Variants in ANK3 observed in about 807,000 individuals in gnomAD.
The protein encoded by ANK3 is ankyrin-3.
ANK3 carries 57 observed loss-of-function variants against 370.9 expected under a neutral mutation model. That is an observed-to-expected ratio of 0.15 (90% CI 0.12 to 0.19). The LOEUF is 0.19. ANK3 is among the 10% of genes least tolerant of loss of function. The pLI, the probability that ANK3 is intolerant of heterozygous loss-of-function variation, is 1.00. For synonymous variants in ANK3, 1,929 were observed against 1,946.3 expected (o/e 0.99, Z 0.23); for missense variants, 4,439 against 5,302.1 (o/e 0.84, Z 5.06).
chr10:60,572,632 C>G, intron 2 of ANK3: 1 of 1,480,416 alleles, frequency 6.8e-7, no homozygotes, highest in East Asian at 2.5e-5. Flanking sequence ...AGTCCATTTA[C>G]GGGTGCTCCC....
intron 2 of ANK3, among the ~76,000 whole-genome samples, chr10:60,516,791 A>T (rs1595188049): frequency 6.6e-6 from 1 of 152,050 alleles, no homozygotes; most frequent in Non-Finnish European, 1.5e-5. Flanking sequence ...CATTTTTTTT[A>T]AAATGCACCA....
intron 2 of ANK3, among the ~76,000 whole-genome samples, chr10:60,550,713 AG>A (rs1440717757): frequency 2.0e-5 from 3 of 152,248 alleles, no homozygotes; most frequent in Non-Finnish European, 4.4e-5. Context: ...TCAGCAGAAA[AG>A]CATGAACACA....
intron 1 of ANK3, among the ~76,000 whole-genome samples, chr10:60,320,085 C>T (rs2048303900): frequency 6.6e-6 from 1 of 152,210 alleles, no homozygotes; most frequent in Non-Finnish European, 1.5e-5. Context: ...CACTTTCTTT[C>T]CTGGATTAGA....
intron 1 of ANK3, among the ~76,000 whole-genome samples, chr10:60,704,569 G>C (rs1049074308): frequency 6.6e-6 from 1 of 152,146 alleles, no homozygotes; most frequent in South Asian, 2.1e-4. Context: ...TGGGGGTGAC[G>C]TTAGAAAAAC....
At chr10:60,430,743 T>A (rs939733050) in intron 2 of ANK3, among the ~76,000 whole-genome samples, 2 of 152,174 alleles carry the variant, frequency 1.3e-5, no homozygotes, top group Non-Finnish European at 2.9e-5. Flanking sequence ...TCCTCATTTC[T>A]CAGAAGGCTA....
chr10:60,288,854 C>T (rs754736727), intron 1 of ANK3, among the ~76,000 whole-genome samples: 16 of 151,082 alleles, frequency 1.1e-4, no homozygotes, highest in African/African-American at 3.7e-4. Flanking sequence ...TTGTTGTCAA[C>T]CCCACCGTGC....
At chr10:60,595,030 C>G (rs973566665) in intron 2 of ANK3, among the ~76,000 whole-genome samples, 14 of 152,064 alleles carry the variant, frequency 9.2e-5, no homozygotes, top group Admixed American at 8.5e-4. Context: ...GTGAAACATT[C>G]TAGAAAAATA....
At chr10:60,283,621 T>A (rs1410270731) in intron 1 of ANK3, among the ~76,000 whole-genome samples, 1 of 152,186 alleles carries the variant, frequency 6.6e-6, no homozygotes, top group African/African-American at 2.4e-5. Context: ...CCTGTCTACT[T>A]AGTCATTTTA....
At chr10:60,684,258 C>G (rs2079236891) in intron 1 of ANK3, among the ~76,000 whole-genome samples, 1 of 152,152 alleles carries the variant, frequency 6.6e-6, no homozygotes. Context: ...GTGGAGCTGC[C>G]GGACAACCAC....
chr10:60,602,364 G>A (rs980756506), intron 2 of ANK3, among the ~76,000 whole-genome samples: 1 of 152,022 alleles, frequency 6.6e-6, no homozygotes, highest in African/African-American at 2.4e-5. Context: ...GGCATCTTCT[G>A]TAAAAATTTA....
intron 1 of ANK3, among the ~76,000 whole-genome samples, chr10:60,713,267 C>T (rs940462408): frequency 6.6e-6 from 1 of 151,956 alleles, no homozygotes; most frequent in African/African-American, 2.4e-5. Context: ...GCTCTCACAC[C>T]ACAATGAAAT....
chr10:60,431,076 T>C (rs994247432), intron 2 of ANK3, among the ~76,000 whole-genome samples: 3 of 152,172 alleles, frequency 2.0e-5, no homozygotes, highest in Non-Finnish European at 4.4e-5. Context: ...ACATTATATT[T>C]ATTGCGTACT....
At chr10:60,634,417 T>G (rs963327043) in intron 1 of ANK3, among the ~76,000 whole-genome samples, 2 of 151,762 alleles carry the variant, frequency 1.3e-5, no homozygotes, top group Admixed American at 1.3e-4. Context: ...CTGGGTCGAG[T>G]GGGGACTTGG....
At chr10:60,403,414 C>T (rs541750988) in intron 2 of ANK3, among the ~76,000 whole-genome samples, 1 of 152,292 alleles carries the variant, frequency 6.6e-6, no homozygotes, top group South Asian at 2.1e-4. Context: ...ACACCCCAGA[C>T]TGATCTCTCT....
rs2055529230 is a variant in ANK3 at position 60,346,492 on chromosome 10, T to C, written c.114+42933A>G. Among the ~76,000 whole-genome samples the C allele has an allele frequency of 2.0e-5, 3 of 152,006 alleles. No homozygotes were observed. In the South Asian group the frequency reaches 6.2e-4, roughly 31 times the overall value. On this transcript the variant is annotated intron_variant, in intron 1 of 43. Coordinates refer to ENST00000280772, the MANE Select transcript of ANK3 (RefSeq NM_020987.5). ...TCTTTATAAATTCAGATAAAAACAA[T>C]ATTATTTTTCCTACTAAATTAGTAA...
intron 2 of ANK3, among the ~76,000 whole-genome samples, chr10:60,529,439 C>T (rs1396782811): frequency 6.6e-6 from 1 of 152,056 alleles, no homozygotes; most frequent in Non-Finnish European, 1.5e-5. Flanking sequence ...CCCCACACAT[C>T]GATAGAAGTT....
At chr10:60,179,622 G>A (rs10994242) in intron 18 of ANK3, among the ~76,000 whole-genome samples, 16 of 151,456 alleles carry the variant, frequency 1.1e-4, no homozygotes, top group Non-Finnish European at 1.9e-4. Flanking sequence ...AATCCGGGAG[G>A]TGGAGGTTGC....
intron 1 of ANK3, among the ~76,000 whole-genome samples, chr10:60,285,512 T>C (rs1566261200): frequency 6.6e-6 from 1 of 152,140 alleles, no homozygotes; most frequent in East Asian, 1.9e-4. Flanking sequence ...ACCTTCTCTT[T>C]CTTGAAAATC....
rs557212914 is a variant in ANK3 at position 60,646,653 on chromosome 10, C to T, written c.58-31429G>A. Among the ~76,000 whole-genome samples, 27 of 152,150 alleles carry T rather than the reference C, an allele frequency of 1.8e-4. No homozygotes were observed. In the South Asian group the frequency reaches 5.6e-3, roughly 32 times the overall value. On this transcript the variant is annotated intron_variant, in intron 1 of 43. Transcript: ENST00000373827. ...AGAAGTCACTGGTTTGATTATAGGG[C>T]ATAAAAGAAGGATGTCAGAGATTAC...
Sources: gnomAD v4.1 joint callset for allele counts (sites outside exome capture counted in the v4.1 genomes callset) on GRCh38, gnomAD v4.1.1 for gene constraint, MANE v1.5 for transcripts, NCBI Gene and HGNC (gene_info 2026-07-23, HGNC 2026-07-21) for gene names.